The following MARCHF3 variants were observed in gnomAD, a reference collection of about 807,000 sequenced individuals.
MARCHF3 encodes the protein E3 ubiquitin-protein ligase MARCHF3.
Under a neutral mutation model 24.2 loss-of-function variants are expected in MARCHF3, and 13 were observed. That is an observed-to-expected ratio of 0.54 (90% CI 0.35 to 0.85). The LOEUF (loss-of-function observed/expected upper bound fraction) is 0.85, where lower values mean the gene tolerates loss of function less well. Ranked by LOEUF, MARCHF3 falls within the 40% of genes least tolerant of loss-of-function variation. The pLI, the probability that MARCHF3 is intolerant of heterozygous loss-of-function variation, is 0.01. For missense variants in MARCHF3, 276 were observed against 325.0 expected, an observed-to-expected ratio of 0.85 and a Z score of 1.16; for synonymous variants, 144 against 137.3, an observed-to-expected ratio of 1.05 and a Z score of -0.34.
At chr5:127,022,314 G>T (rs1444827903) in intron 1 of MARCHF3, among the ~76,000 whole-genome samples, 2 of 152,182 alleles carry the variant, frequency 1.3e-5, no homozygotes, top group Non-Finnish European at 2.9e-5. Context: ...AAAGATTAAT[G>T]GTGACACTGA....
intron 1 of MARCHF3, among the ~76,000 whole-genome samples, chr5:126,972,314 T>C (rs1751046028): frequency 6.6e-6 from 1 of 151,424 alleles, no homozygotes; most frequent in African/African-American, 2.4e-5. Context: ...GTGAGATTCA[T>C]GTTAGCTTTC....
intron 1 of MARCHF3, among the ~76,000 whole-genome samples, chr5:126,950,268 T>C (rs896127176): frequency 6.6e-6 from 1 of 152,246 alleles, no homozygotes; most frequent in Non-Finnish European, 1.5e-5. Flanking sequence ...ATGACTCTAC[T>C]GAATGGTCTT....
intron 1 of MARCHF3, among the ~76,000 whole-genome samples, chr5:127,019,980 T>G (rs1752742608): frequency 6.6e-6 from 1 of 152,198 alleles, no homozygotes; most frequent in Non-Finnish European, 1.5e-5. Context: ...AGACAGCTTT[T>G]TAATTTACAA....
intron 4 of MARCHF3, among the ~76,000 whole-genome samples, chr5:126,872,410 T>C (rs1490942933): frequency 6.6e-6 from 1 of 152,100 alleles, no homozygotes; most frequent in Non-Finnish European, 1.5e-5. Flanking sequence ...CTTAAACCTG[T>C]AGTCTGTTTT....
rs146716588 is a variant in MARCHF3 at position 126,962,469 on chromosome 5, G to A, written c.-56-44242C>T. ...ATATATTTATTTATATATGGGTTGA[G>A]CATCCCAATCTGAAAATACAAAATA... On this transcript the variant is annotated intron_variant, in intron 1 of 4. Transcript: ENST00000308660. 4.0e-3 allele frequency among the ~76,000 whole-genome samples: 598 copies of A among 151,120 alleles called. 1 individual carries two copies. The highest frequency in any genetic ancestry group is 0.014 in the Middle Eastern group (4 of 286).
At chr5:126,888,883 GCCT>G (rs1019350244) in intron 3 of MARCHF3, among the ~76,000 whole-genome samples, 86 of 152,304 alleles carry the variant, frequency 5.6e-4, no homozygotes, top group African/African-American at 2.0e-3. Flanking sequence ...TCGTGCCTCA[GCCT>G]CCTGAGTATC....
intron 1 of MARCHF3, among the ~76,000 whole-genome samples, chr5:127,011,901 C>T (rs891655207): frequency 6.6e-6 from 1 of 152,164 alleles, no homozygotes; most frequent in Admixed American, 6.6e-5. Context: ...AATTCTTTTG[C>T]CTAACTGGGA....
intron 1 of MARCHF3, among the ~76,000 whole-genome samples, chr5:126,958,564 C>T (rs1042375658): frequency 2.0e-5 from 3 of 152,150 alleles, no homozygotes; most frequent in Non-Finnish European, 4.4e-5. Context: ...CTAATCTGCT[C>T]ATCACTGCCT....
At chr5:126,883,579 T>C (rs746556003) in intron 3 of MARCHF3, among the ~76,000 whole-genome samples, 1 of 152,208 alleles carries the variant, frequency 6.6e-6, no homozygotes, top group Non-Finnish European at 1.5e-5. Flanking sequence ...CACAGCATCA[T>C]TCACTGGCTG....
intron 1 of MARCHF3, among the ~76,000 whole-genome samples, chr5:126,966,309 C>A (rs927618685): frequency 1.3e-5 from 2 of 151,880 alleles, no homozygotes; most frequent in Non-Finnish European, 2.9e-5. Context: ...CAACTTATAG[C>A]CTTAAAAATT....
chr5:126,896,413 G>C (rs138023412), intron 3 of MARCHF3, among the ~76,000 whole-genome samples: 1 of 152,212 alleles, frequency 6.6e-6, no homozygotes, highest in East Asian at 1.9e-4. Flanking sequence ...ATTTATAGAA[G>C]GGCAGGCAGG....
intron 1 of MARCHF3, among the ~76,000 whole-genome samples, chr5:127,000,652 G>A (rs1561467166): frequency 6.6e-6 from 1 of 152,096 alleles, no homozygotes; most frequent in Non-Finnish European, 1.5e-5. Context: ...GAGCAAAGGT[G>A]GTGATCATTC....
At chr5:126,978,146 A>G (rs1362620940) in intron 1 of MARCHF3, among the ~76,000 whole-genome samples, 1 of 152,174 alleles carries the variant, frequency 6.6e-6, no homozygotes. Context: ...TCACGTGGTG[A>G]GTTTTCTTTT....
At chr5:126,946,580 C>T (rs948489724) in intron 1 of MARCHF3, among the ~76,000 whole-genome samples, 4 of 151,964 alleles carry the variant, frequency 2.6e-5, no homozygotes, top group Non-Finnish European at 5.9e-5. Flanking sequence ...GAGAAGGGGT[C>T]CTACCCCACC....
rs539936256 is a variant in MARCHF3 at position 126,950,968 on chromosome 5, C to A, written c.-56-32741G>T. ...CCATCAGACCACACCACAATCAAGA[C>A]AATGAACTTATCCATCTCCCTCCAG... On this transcript the variant is annotated intron_variant, in intron 1 of 4. Coordinates refer to ENST00000308660, the MANE Select transcript of MARCHF3 (RefSeq NM_178450.5). Among the ~76,000 whole-genome samples the A allele has an allele frequency of 5.8e-4, 89 of 152,302 alleles. No individual in the cohort carries two copies. The Middle Eastern group carries it at 0.01, about 17-fold the overall frequency.
intron 1 of MARCHF3, among the ~76,000 whole-genome samples, chr5:126,961,711 T>G (rs890858424): frequency 1.3e-5 from 2 of 152,164 alleles, no homozygotes; most frequent in East Asian, 3.8e-4. Flanking sequence ...TAATTTGGCT[T>G]GAAGTAGTAA....
At chr5:126,898,732 G>A (rs754067279) in intron 3 of MARCHF3, 38 of 422,456 alleles carry the variant, frequency 9.0e-5, no homozygotes, top group Non-Finnish European at 1.1e-4. Context: ...CTGCTCCTAC[G>A]TGCCAGCATT....
Position 126,970,595 on chromosome 5 carries a change from A to G in MARCHF3, c.-56-52368T>C, listed in dbSNP as rs982423100. Among the ~76,000 whole-genome samples, 16 of 152,268 alleles carry G rather than the reference A, an allele frequency of 1.1e-4. No homozygotes were observed. In the South Asian group the frequency reaches 3.1e-3, roughly 30 times the overall value. On this transcript the variant is annotated intron_variant, in intron 1 of 4. Coordinates refer to ENST00000308660, the MANE Select transcript of MARCHF3 (RefSeq NM_178450.5). ...GATAATGTATTTGACTTGTGGCCAA[A>G]TGGTACTCTTGAGAGATGTGGTTGT...
intron 1 of MARCHF3, among the ~76,000 whole-genome samples, chr5:126,945,483 A>G (rs1231528999): frequency 6.6e-6 from 1 of 152,266 alleles, no homozygotes; most frequent in Non-Finnish European, 1.5e-5. Flanking sequence ...GGAGCCAGCC[A>G]GGCAAATGGG....
Sources: allele counts gnomAD v4.1 joint callset (sites outside exome capture counted in the v4.1 genomes callset), GRCh38; gene constraint gnomAD v4.1.1; transcripts MANE v1.5; gene names NCBI Gene and HGNC (gene_info 2026-07-23, HGNC 2026-07-21).